AKAP13: variants seen among roughly 807,000 people sequenced by gnomAD.
AKAP13 encodes the protein A-kinase anchoring protein 13.
Under a neutral mutation model 264.5 loss-of-function variants are expected in AKAP13, and 80 were observed. The observed-to-expected ratio is 0.30, with a 90% confidence interval of 0.25 to 0.36. AKAP13 has a LOEUF of 0.36. Among genes scored for constraint, AKAP13 ranks in the 10% least tolerant of loss-of-function variants. The pLI is 1.00. For missense variants in AKAP13, 3,712 were observed against 3,435.2 expected, an observed-to-expected ratio of 1.08 and a Z score of -2.01; for synonymous variants, 1,380 against 1,250.2, an observed-to-expected ratio of 1.10 and a Z score of -2.19.
At chr15:85,623,238 T>A (rs920139098) in intron 8 of AKAP13, among the ~76,000 whole-genome samples, 1 of 152,250 alleles carries the variant, frequency 6.6e-6, no homozygotes, top group Non-Finnish European at 1.5e-5. Flanking sequence ...TTCATTAATA[T>A]TATCTAAACA....
rs386383664 is a variant in AKAP13, at chr15:85,673,666, C to CTTTTTTTTTTTT, written c.5101+3851_5101+3862dup. On this transcript the variant is annotated intron_variant, in intron 14 of 36. Coordinates refer to ENST00000394518, the MANE Select transcript of AKAP13 (RefSeq NM_007200.5). Reference sequence around the variant, plus strand: ...TTACAGATGATCCCTTTCTTTCTTTCTTTTTTTTTTTTTTTTTTTTTTTTT... The same window carrying CTTTTTTTTTTTT: ...TTACAGATGATCCCTTTCTTTCTTTCTTTTTTTTTTTTTTTTTTTTTTTTTTTTTTTTTTTTT... 7.2e-4 allele frequency among the ~76,000 whole-genome samples: 56 copies of CTTTTTTTTTTTT among 77,554 alleles called. 1 individual carries two copies. The highest frequency in any genetic ancestry group is 1.7e-3 in the African/African-American group (30 of 17,844). The allele number at this position is 77,554 out of a possible 152,430, so 50.9% of individuals were successfully genotyped here. A position where few individuals can be genotyped will look rare whatever the true frequency, so the allele number is the denominator to read the frequency against.
Position 85,504,503 on chromosome 15 carries a change from C to CAAAA in AKAP13, c.34-16896_34-16893dup, listed in dbSNP as rs566579814. On this transcript the variant is annotated intron_variant, in intron 2 of 36. Transcript: ENST00000394518. ...GCGATGTGGTGAGACCCTGTCTTTA[C>CAAAA]AAAAAAAAAAAAAAAAAAAAAAAAA... Among the ~76,000 whole-genome samples, 474 of 91,018 alleles carry CAAAA rather than the reference C, an allele frequency of 5.2e-3. 48 individuals carry two copies. Among genetic ancestry groups the CAAAA allele is most frequent in the African/African-American group, 0.013 (258 of 19,650 alleles). 59.7% of individuals were successfully genotyped at this position (91,018 alleles called of 152,430 possible). A position where few individuals can be genotyped will look rare whatever the true frequency, so the allele number is the denominator to read the frequency against.
intron 17 of AKAP13, chr15:85,702,330 C>T (rs1206229954): frequency 1.3e-5 from 2 of 152,032 alleles, no homozygotes; most frequent in Non-Finnish European, 1.5e-5. Flanking sequence ...CTCAAAGGAA[C>T]CAAAGTAATG....
At chr15:85,650,153 G>A (rs1164357689) in intron 10 of AKAP13, among the ~76,000 whole-genome samples, 1 of 152,192 alleles carries the variant, frequency 6.6e-6, no homozygotes, top group East Asian at 1.9e-4. Context: ...ATGTAAGCCA[G>A]GCATGCTGGT....
intron 1 of AKAP13, among the ~76,000 whole-genome samples, chr15:85,396,099 G>A (rs1199390032): frequency 6.6e-6 from 1 of 151,910 alleles, no homozygotes; most frequent in African/African-American, 2.4e-5. Context: ...AATCTATCCT[G>A]TTGCGAATAA....
At chr15:85,740,570 A>G (rs918000970) in intron 34 of AKAP13, 6 of 408,096 alleles carry the variant, frequency 1.5e-5, no homozygotes, top group Non-Finnish European at 2.6e-5. Context: ...AAGTATGATT[A>G]TAAGTTTCTA....
intron 8 of AKAP13, among the ~76,000 whole-genome samples, chr15:85,612,176 G>T (rs2080663785): frequency 6.6e-6 from 1 of 152,176 alleles, no homozygotes; most frequent in South Asian, 2.1e-4. Flanking sequence ...TGTTGAAATT[G>T]TTAGTTACTC....
chr15:85,593,460 C>T (rs987582306), intron 8 of AKAP13, among the ~76,000 whole-genome samples: 4 of 151,744 alleles, frequency 2.6e-5, no homozygotes, highest in African/African-American at 9.7e-5. Flanking sequence ...TCTTGAACTC[C>T]TGGGCACAAG....
intron 1 of AKAP13, among the ~76,000 whole-genome samples, chr15:85,433,511 A>G (rs2073121047): frequency 6.6e-6 from 1 of 152,136 alleles, no homozygotes; most frequent in South Asian, 2.1e-4. Flanking sequence ...ATACTTAGAA[A>G]TGCTGTGAAT....
intron 8 of AKAP13, among the ~76,000 whole-genome samples, chr15:85,587,009 C>G (rs112744100): frequency 1.3e-5 from 2 of 151,250 alleles, no homozygotes; most frequent in African/African-American, 4.9e-5. Flanking sequence ...GGATATGATT[C>G]ACATACCATA....
chr15:85,619,127 C>CT (rs1402351848), intron 8 of AKAP13, among the ~76,000 whole-genome samples: 1 of 152,042 alleles, frequency 6.6e-6, no homozygotes, highest in Non-Finnish European at 1.5e-5. Context: ...CTTGCAATGC[C>CT]TGACAGAGCC....
At chr15:85,605,272 A>T (rs538318478) in intron 8 of AKAP13, among the ~76,000 whole-genome samples, 2 of 152,376 alleles carry the variant, frequency 1.3e-5, no homozygotes, top group East Asian at 3.9e-4. Context: ...TAGAACATTC[A>T]TATAAATTCC....
chr15:85,587,467 T>C (rs1186123460), intron 8 of AKAP13, among the ~76,000 whole-genome samples: 1 of 152,242 alleles, frequency 6.6e-6, no homozygotes, highest in African/African-American at 2.4e-5. Flanking sequence ...TTTCCACTTT[T>C]TGGCTACTGT....
intron 1 of AKAP13, among the ~76,000 whole-genome samples, chr15:85,435,974 T>C (rs2073267673): frequency 1.4e-5 from 2 of 144,680 alleles, no homozygotes; most frequent in African/African-American, 2.6e-5. Context: ...CAATATTAAC[T>C]TTAAATGTAA....
chr15:85,492,732 G>A (rs1196519651), intron 2 of AKAP13, among the ~76,000 whole-genome samples: 2 of 151,976 alleles, frequency 1.3e-5, no homozygotes, highest in African/African-American at 4.8e-5. Context: ...TTTCAATCCA[G>A]GATTTAAACA....
At chr15:85,641,514 C>G (rs1469593617) in intron 9 of AKAP13, among the ~76,000 whole-genome samples, 1 of 149,476 alleles carries the variant, frequency 6.7e-6, no homozygotes, top group Non-Finnish European at 1.5e-5. Context: ...ATAACGGAGT[C>G]TCGCTCTGTC....
At position 85,722,114 on chromosome 15, in the gene AKAP13, A is replaced by G. The variant is rs780505946; in HGVS notation, c.6376A>G (p.Lys2126Glu). 1.2e-6 allele frequency: 2 copies of G among 1,613,944 alleles called. No homozygotes were observed. The highest frequency in any genetic ancestry group is 8.5e-7 in the Non-Finnish European group (1 of 1,179,916). ...AKDKRFQAFVKKKMSSSVVRR... is the reference protein window; with the variant it reads ...AKDKRFQAFVEKKMSSSVVRR... ...GGATAAGCGTTTTCAAGCCTTTGTA[A>G]AGGTATTGATAAGAAACATGAAAAT... The change falls in exon 24 of 37, where the codon AAG becomes GAG. Residue 2126 changes from lysine (K) to glutamate (E), a missense_variant and splice_region_variant. By Grantham distance (56) the Lys-to-Glu change is moderately conservative. Transcript: ENST00000394518.
chr15:85,385,930 A>T (rs1161545634), intron 1 of AKAP13, among the ~76,000 whole-genome samples: 1 of 152,120 alleles, frequency 6.6e-6, no homozygotes, highest in Non-Finnish European at 1.5e-5. Context: ...GGTTCAAGTG[A>T]TTCTCCTGCC....
intron 9 of AKAP13, among the ~76,000 whole-genome samples, chr15:85,641,235 A>G (rs1030043594): frequency 4.6e-5 from 7 of 151,974 alleles, no homozygotes; most frequent in African/African-American, 7.2e-5. Context: ...TCACGAGATC[A>G]GGAGTTCAAG....
Sources: allele counts gnomAD v4.1 joint callset (sites outside exome capture counted in the v4.1 genomes callset), GRCh38; gene constraint gnomAD v4.1.1; transcripts MANE v1.5; gene names NCBI Gene and HGNC (gene_info 2026-07-23, HGNC 2026-07-21).